Variants in ZNF568 observed in about 807,000 individuals in gnomAD.
ZNF568 encodes zinc finger protein 568.
In ZNF568, 11 loss-of-function variants were observed where a neutral mutation model predicts 18.1. That is an observed-to-expected ratio of 0.61 (90% CI 0.38 to 1.00). ZNF568 has a LOEUF of 1.00. ZNF568 is among the 50% of genes least tolerant of loss of function. The probability of loss-of-function intolerance (pLI) is 0.01; values close to 1 mark genes in which losing one functional copy is unlikely to be tolerated. For missense variants in ZNF568, 639 were observed against 768.2 expected, an observed-to-expected ratio of 0.83 and a Z score of 1.99; for synonymous variants, 213 against 246.6, an observed-to-expected ratio of 0.86 and a Z score of 1.28.
At position 36,928,553 on chromosome 19, in the gene ZNF568, T is replaced by C. The variant is rs138507165; in HGVS notation, c.135+3295T>C. On this transcript the variant is annotated intron_variant, in intron 4 of 6. Coordinates refer to ENST00000333987, the MANE Select transcript of ZNF568 (RefSeq NM_198539.4). ...TGCTACTACTACGATTTTGTATGCC[T>C]AGACATAAGTAAGGGGAGGGAAATG... is the stretch of plus-strand genomic sequence containing the variant. Among the ~76,000 whole-genome samples, 133 of 152,206 alleles carry C rather than the reference T, an allele frequency of 8.7e-4. 3 individuals are homozygous for C. In the East Asian group the frequency reaches 0.022, roughly 25 times the overall value.
chr19:36,919,900 TTGGTAA>T (rs2073422420), intron 2 of ZNF568, among the ~76,000 whole-genome samples: 3 of 152,342 alleles, frequency 2.0e-5, no homozygotes, highest in Admixed American at 2.0e-4. Context: ...TACATAATAC[TTGGTAA>T]TGATAATAAA....
chr19:36,963,293 C>T (rs1043410813), intron 6 of ZNF568, among the ~76,000 whole-genome samples: 7 of 152,258 alleles, frequency 4.6e-5, no homozygotes, highest in South Asian at 2.1e-4. Flanking sequence ...CCTGTCAATT[C>T]AGTCTCAGTA....
chr19:36,962,824 G>A (rs2074165944), intron 6 of ZNF568, among the ~76,000 whole-genome samples: 1 of 151,598 alleles, frequency 6.6e-6, no homozygotes, highest in African/African-American at 2.4e-5. Flanking sequence ...GACCTATAAG[G>A]TTTCTGCTTA....
downstream of ZNF568, chr19:36,997,290 A>C: frequency 6.2e-7 from 1 of 1,601,904 alleles, no homozygotes; most frequent in Non-Finnish European, 8.5e-7. Flanking sequence ...CTGGGGAGAA[A>C]CCCTGTAAGT....
At chr19:36,938,424 T>C (rs2073825502) in intron 6 of ZNF568, among the ~76,000 whole-genome samples, 1 of 152,124 alleles carries the variant, frequency 6.6e-6, no homozygotes, top group Admixed American at 6.5e-5. Context: ...CTTTCATATA[T>C]ACTTCAACAA....
At chr19:36,941,010 G>A (rs547429502) in intron 6 of ZNF568, among the ~76,000 whole-genome samples, 1 of 152,214 alleles carries the variant, frequency 6.6e-6, no homozygotes, top group African/African-American at 2.4e-5. Context: ...TAGCATTCAT[G>A]TTCTCTTTTG....
chr19:36,972,655 G>T (rs925985519), intron 6 of ZNF568, among the ~76,000 whole-genome samples: 1 of 151,732 alleles, frequency 6.6e-6, no homozygotes, highest in Admixed American at 6.6e-5. Context: ...GGTCAGTGAA[G>T]CCCCAGGTCC....
At chr19:36,964,532 G>C (rs2074179533) in intron 6 of ZNF568, among the ~76,000 whole-genome samples, 1 of 152,188 alleles carries the variant, frequency 6.6e-6, no homozygotes, top group Non-Finnish European at 1.5e-5. Flanking sequence ...AATGAAGTGA[G>C]CCAGGCATAG....
intron 4 of ZNF568, among the ~76,000 whole-genome samples, chr19:36,926,255 C>T (rs1484003135): frequency 6.6e-6 from 1 of 152,106 alleles, no homozygotes; most frequent in African/African-American, 2.4e-5. Flanking sequence ...CTTTTTGTTT[C>T]CACCTCTGAA....
At chr19:36,981,595 C>A (rs189883529), downstream of ZNF568, among the ~76,000 whole-genome samples, 15 of 152,168 alleles carry the variant, frequency 9.9e-5, no homozygotes, top group Non-Finnish European at 5.9e-5. Flanking sequence ...AGAATATAGA[C>A]TGGGTGCTGT....
chr19:36,975,177 T>C (rs7259605), intron 7 of ZNF568, among the ~76,000 whole-genome samples: 79,668 of 143,646 alleles, frequency 0.55, 22,799 homozygotes, highest in African/African-American at 0.68. Flanking sequence ...GAGACCGAGT[T>C]TCCTCTGTTG....
intron 3 of ZNF568, chr19:36,991,602 A>G: frequency 1.5e-6 from 1 of 668,076 alleles, no homozygotes; most frequent in Non-Finnish European, 2.4e-6. Context: ...ATTAGACAAG[A>G]AAGGAATTAA....
At chr19:36,931,492 G>A (rs517110) in intron 4 of ZNF568, 55,023 of 151,946 alleles carry the variant, frequency 0.36, 10,248 homozygotes, top group African/African-American at 0.4. Context: ...CTCCCGAGTA[G>A]CTAGATGATA....
chr19:36,946,010 G>A (rs948955615), intron 6 of ZNF568, among the ~76,000 whole-genome samples: 17 of 151,874 alleles, frequency 1.1e-4, no homozygotes, highest in Non-Finnish European at 2.9e-5. Flanking sequence ...CAGGGGAATC[G>A]CTTGAACCCG....
chr19:36,982,122 A>C, downstream of ZNF568, among the ~76,000 whole-genome samples: 1 of 152,018 alleles, frequency 6.6e-6, no homozygotes, highest in Non-Finnish European at 1.5e-5. Context: ...GTTGTAAATA[A>C]TTGTCTTTGT....
intron 6 of ZNF568, among the ~76,000 whole-genome samples, chr19:36,947,890 G>A (rs2073992644): frequency 6.6e-6 from 1 of 152,184 alleles, no homozygotes; most frequent in South Asian, 2.1e-4. Context: ...GATACCCACT[G>A]CCCAGGCACA....
chr19:36,948,658 A>ATTTTTGTTTTTTTTTTTTT (rs2074004601), intron 6 of ZNF568, among the ~76,000 whole-genome samples: 1 of 83,576 alleles, frequency 1.2e-5, no homozygotes, highest in Non-Finnish European at 2.2e-5. Context: ...TTTGTTGTTG[A>ATTTTTGTTTTTTTTTTTTT]TTTTTTTTTT....
chr19:36,922,938 G>T (rs1305582174), intron 3 of ZNF568, 92 bp downstream of exon 3: 1 of 1,058,882 alleles, frequency 9.4e-7, no homozygotes, highest in East Asian at 2.5e-5. Flanking sequence ...ACTGAGAAAG[G>T]TCACGTATGT....
downstream of ZNF568, chr19:36,997,267 C>CA: frequency 6.2e-7 from 1 of 1,603,630 alleles, no homozygotes. Context: ...TATTCGACAT[C>CA]AGAGTGTCCA....
Sources: gnomAD v4.1 joint callset for allele counts (sites outside exome capture counted in the v4.1 genomes callset) on GRCh38, gnomAD v4.1.1 for gene constraint, MANE v1.5 for transcripts, NCBI Gene and HGNC (gene_info 2026-07-23, HGNC 2026-07-21) for gene names.